SDHA: variants seen among roughly 807,000 people sequenced by gnomAD.
SDHA encodes the protein succinate dehydrogenase complex flavoprotein subunit A.
In SDHA, 48 loss-of-function variants were observed where a neutral mutation model predicts 78.4. That is an observed-to-expected ratio of 0.61 (90% CI 0.49 to 0.78). SDHA has a LOEUF of 0.78. SDHA is among the 30% of genes least tolerant of loss of function. The probability of loss-of-function intolerance (pLI) is 0.00; values close to 1 mark genes in which losing one functional copy is unlikely to be tolerated. For missense variants in SDHA, 680 were observed against 892.7 expected (o/e 0.76, Z 3.04); for synonymous variants, 326 against 353.9 (o/e 0.92, Z 0.88).
At chr5:265,826 A>AAC in the SDHA span, among the ~76,000 whole-genome samples, 6 of 145,456 alleles carry the variant, frequency 4.1e-5, no homozygotes, top group African/African-American at 1.7e-4. Context: ...GTCTCAAAAA[A>AAC]AAAAAAAGAG....
intron 11 of SDHA, among the ~76,000 whole-genome samples, chr5:245,259 G>A (rs556983342): frequency 2.0e-5 from 3 of 152,246 alleles, no homozygotes; most frequent in Admixed American, 2.0e-4. Flanking sequence ...TACAACCTAC[G>A]GGGACATTAC....
intron 1 of SDHA, among the ~76,000 whole-genome samples, chr5:219,267 C>G (rs1193150417): frequency 1.4e-5 from 2 of 139,770 alleles, no homozygotes; most frequent in African/African-American, 6.4e-5. Flanking sequence ...CTTCCCTGAG[C>G]CCTTGCTCTC....
At chr5:228,480 C>T in intron 6 of SDHA, 147 bp downstream of exon 6, 1 of 926,450 alleles carries the variant, frequency 1.1e-6, no homozygotes, top group Admixed American at 2.2e-5. Context: ...ATGGCCTTTC[C>T]CAGCCGTGGT....
At chr5:263,070 G>T in the SDHA span, among the ~76,000 whole-genome samples, 2 of 151,948 alleles carry the variant, frequency 1.3e-5, no homozygotes, top group African/African-American at 4.8e-5. Context: ...CTCCCAAGGA[G>T]CTGAGACTAC....
intron 1 of SDHA, among the ~76,000 whole-genome samples, chr5:218,896 G>T (rs1444380278): frequency 6.6e-6 from 1 of 152,216 alleles, no homozygotes; most frequent in African/African-American, 2.4e-5. Flanking sequence ...TGGGGCCGGC[G>T]GGGCGGGTGA....
the SDHA span, among the ~76,000 whole-genome samples, chr5:268,104 T>G: frequency 6.6e-6 from 1 of 152,188 alleles, no homozygotes; most frequent in South Asian, 2.1e-4. Context: ...GCATAGTTTG[T>G]GTATGTAACA....
At chr5:232,171 C>T (rs1239275138) in intron 7 of SDHA, among the ~76,000 whole-genome samples, 1 of 152,118 alleles carries the variant, frequency 6.6e-6, no homozygotes, top group African/African-American at 2.4e-5. Context: ...TTTCTGATCC[C>T]TGGAAGGGAT....
intron 11 of SDHA, among the ~76,000 whole-genome samples, chr5:241,396 T>A (rs1736130938): frequency 1.3e-5 from 2 of 152,200 alleles, no homozygotes; most frequent in Non-Finnish European, 2.9e-5. Context: ...GGAAATGTCT[T>A]TAAGCTGGAC....
At chr5:243,613 C>T (rs1736271698) in intron 11 of SDHA, among the ~76,000 whole-genome samples, 3 of 152,132 alleles carry the variant, frequency 2.0e-5, no homozygotes. Context: ...TGCAGTAAAA[C>T]AGGGACCAAA....
At chr5:266,822 T>TGC in the SDHA span, among the ~76,000 whole-genome samples, 2,285 of 152,006 alleles carry the variant, frequency 0.015, 50 homozygotes, top group Admixed American at 0.023. Context: ...CGGTGGCCGC[T>TGC]GTCTGTAAGA....
At chr5:238,161 T>C (rs10036908) in intron 10 of SDHA, among the ~76,000 whole-genome samples, 35,711 of 150,926 alleles carry the variant, frequency 0.24, 6,632 homozygotes, top group African/African-American at 0.52. Context: ...AAAGGCTGCA[T>C]GCCTGTGGTT....
At chr5:233,409 A>C in intron 7 of SDHA, 68 bp from the exon 8 acceptor site, 1 of 1,568,002 alleles carries the variant, frequency 6.4e-7, no homozygotes, top group Non-Finnish European at 8.8e-7. Context: ...AATGTCTTGA[A>C]AAAAATAATG....
At chr5:257,132 C>A (rs1177840899), downstream of SDHA, among the ~76,000 whole-genome samples, 1 of 152,182 alleles carries the variant, frequency 6.6e-6, no homozygotes, top group Non-Finnish European at 1.5e-5. Context: ...ATGTTGGTGC[C>A]TGAGAACGAA....
intron 2 of SDHA, 26 bp downstream of exon 2, chr5:223,594 A>G: frequency 6.3e-7 from 1 of 1,583,870 alleles, no homozygotes; most frequent in Middle Eastern, 1.7e-4. Context: ...TTGTTCCATT[A>G]TAAATGATTT....
intron 13 of SDHA, chr5:251,676 C>T: frequency 6.6e-7 from 1 of 1,505,442 alleles, no homozygotes. Context: ...GGTCGGCATC[C>T]ACTGATGCCA....
At chr5:232,712 A>G (rs1319403599) in intron 7 of SDHA, among the ~76,000 whole-genome samples, 1 of 151,596 alleles carries the variant, frequency 6.6e-6, no homozygotes, top group Non-Finnish European at 1.5e-5. Context: ...TAAAAGCAAG[A>G]TTGCCCTTTT....
At chr5:257,859 G>A (rs1282092548), downstream of SDHA, among the ~76,000 whole-genome samples, 2 of 14,674 alleles carry the variant, frequency 1.4e-4, no homozygotes, top group Admixed American at 5.8e-4. Context: ...TGTGAGCTCC[G>A]CCTCCTGCCA....
chr5:258,641 C>T (rs376569495), downstream of SDHA, among the ~76,000 whole-genome samples: 5,938 of 39,218 alleles, frequency 0.15, 13 homozygotes, highest in Non-Finnish European at 0.23. Flanking sequence ...CTCCGCCTCC[C>T]GCCAGAGCAT....
At chr5:249,310 CAAAT>C (rs906615645) in intron 11 of SDHA, 202 of 239,218 alleles carry the variant, frequency 8.4e-4, no homozygotes, top group African/African-American at 4.0e-3. Flanking sequence ...CTTTGCAAAA[CAAAT>C]AAAGGGGACA....
Sources: allele counts gnomAD v4.1 joint callset (sites outside exome capture counted in the v4.1 genomes callset), GRCh38; gene constraint gnomAD v4.1.1; transcripts MANE v1.5; gene names NCBI Gene and HGNC (gene_info 2026-07-23, HGNC 2026-07-21).